The following CDH13 variants were observed in gnomAD, a reference collection of about 807,000 sequenced individuals.
The protein encoded by CDH13 is cadherin 13, also known as cadherin-13.
In CDH13, 24 loss-of-function variants were observed where a neutral mutation model predicts 63.8. The observed-to-expected ratio is 0.38, with a 90% CI of 0.27 to 0.53. CDH13 has a LOEUF of 0.53. Among genes scored for constraint, CDH13 ranks in the 20% least tolerant of loss-of-function variants. CDH13 has a pLI of 0.85. For synonymous variants in CDH13, 503 were observed against 355.3 expected, an observed-to-expected ratio of 1.42 and a Z score of -4.67; for missense variants, 1,049 against 903.1, an observed-to-expected ratio of 1.16 and a Z score of -2.07.
intron 3 of CDH13, among the ~76,000 whole-genome samples, chr16:83,098,082 G>A (rs183647725): frequency 2.7e-4 from 41 of 152,324 alleles, no homozygotes; most frequent in East Asian, 5.8e-4. Flanking sequence ...AGAGAGCACC[G>A]TCTGAAGGGT....
intron 6 of CDH13, among the ~76,000 whole-genome samples, chr16:83,425,900 A>G (rs1354501775): frequency 6.6e-6 from 1 of 152,136 alleles, no homozygotes; most frequent in Non-Finnish European, 1.5e-5. Context: ...GGCACTACAG[A>G]TACAGCATTG....
intron 8 of CDH13, among the ~76,000 whole-genome samples, chr16:83,635,431 C>T (rs1911173400): frequency 7.2e-6 from 1 of 138,020 alleles, no homozygotes; most frequent in South Asian, 2.3e-4. Flanking sequence ...ACAACCTCCG[C>T]TTCCTGGGGT....
At chr16:82,778,158 G>A (rs769554319) in intron 1 of CDH13, among the ~76,000 whole-genome samples, 59 of 152,140 alleles carry the variant, frequency 3.9e-4, no homozygotes, top group Non-Finnish European at 7.5e-4. Flanking sequence ...TTATTTTAAC[G>A]CAAAATGATG....
chr16:83,371,680 G>T (rs1767491664), intron 6 of CDH13, among the ~76,000 whole-genome samples: 1 of 152,134 alleles, frequency 6.6e-6, no homozygotes, highest in Admixed American at 6.5e-5. Context: ...GATTAATAGT[G>T]GTACTGTCAA....
At chr16:83,059,804 T>G (rs928916030) in intron 3 of CDH13, among the ~76,000 whole-genome samples, 146 of 148,312 alleles carry the variant, frequency 9.8e-4, no homozygotes, top group Non-Finnish European at 1.7e-3. Flanking sequence ...TTTTTTTTTT[T>G]TTTTTTTTTA....
At chr16:83,236,099 C>T (rs1018910107) in intron 5 of CDH13, among the ~76,000 whole-genome samples, 1 of 152,142 alleles carries the variant, frequency 6.6e-6, no homozygotes, top group African/African-American at 2.4e-5. Flanking sequence ...ACTTTAGTCT[C>T]CAAAGTATGT....
At chr16:83,355,265 A>T (rs2091030288) in intron 6 of CDH13, among the ~76,000 whole-genome samples, 1 of 152,228 alleles carries the variant, frequency 6.6e-6, no homozygotes, top group African/African-American at 2.4e-5. Flanking sequence ...GGAAAATTCT[A>T]AATATTGAGT....
At chr16:82,995,698 G>A (rs72792142) in intron 2 of CDH13, among the ~76,000 whole-genome samples, 1 of 152,000 alleles carries the variant, frequency 6.6e-6, no homozygotes, top group South Asian at 2.1e-4. Context: ...AAATAGATGT[G>A]ATACTTCTCC....
intron 2 of CDH13, among the ~76,000 whole-genome samples, chr16:83,014,063 C>G (rs553091858): frequency 1.3e-5 from 2 of 151,924 alleles, no homozygotes; most frequent in South Asian, 4.2e-4. Flanking sequence ...AGTTCACAGT[C>G]TGATAAGGAA....
chr16:83,731,914 A>T (rs949317575), intron 10 of CDH13, among the ~76,000 whole-genome samples: 1 of 152,248 alleles, frequency 6.6e-6, no homozygotes, highest in African/African-American at 2.4e-5. Flanking sequence ...GGTAGCAGGT[A>T]GTCGATAAAT....
In CDH13 at chr16:83,425,768, T is replaced by C. The variant is rs576128221; in HGVS notation, c.782-60709T>C. The stretch of plus-strand genomic sequence containing the variant: ...TTCCTTCTTTCTTTCTCTTTTTCTT[T>C]CTTCCTTTGTCTCTTTCTTCTTCCT... On this transcript the variant is annotated intron_variant, in intron 6 of 13. Coordinates refer to ENST00000567109, the MANE Select transcript of CDH13 (RefSeq NM_001257.5). 1.5e-4 allele frequency among the ~76,000 whole-genome samples: 23 copies of C among 152,298 alleles called. 1 individual carries two copies. Among genetic ancestry groups the C allele is most frequent in the Middle Eastern group, 3.4e-3 (1 of 294 alleles).
intron 7 of CDH13, among the ~76,000 whole-genome samples, chr16:83,538,000 C>G (rs2075401410): frequency 6.6e-6 from 1 of 152,110 alleles, no homozygotes; most frequent in African/African-American, 2.4e-5. Flanking sequence ...GTTGATGTTA[C>G]CGTGCTATAA....
intron 11 of CDH13, among the ~76,000 whole-genome samples, chr16:83,778,270 C>T (rs1262566048): frequency 6.6e-6 from 1 of 152,200 alleles, no homozygotes; most frequent in Non-Finnish European, 1.5e-5. Flanking sequence ...TGGCTCATGC[C>T]TGTAATCCCA....
Position 83,512,321 on chromosome 16 carries a change from AAAATAAATAAATAAATAAAT to A in CDH13, c.960+25698_960+25717del, listed in dbSNP as rs200161148. Among the ~76,000 whole-genome samples, 134 of 126,886 alleles carry A rather than the reference AAAATAAATAAATAAATAAAT, an allele frequency of 1.1e-3. 1 individual carries two copies. Among genetic ancestry groups the A allele is most frequent in the East Asian group, 2.3e-3 (10 of 4,282 alleles). 83.2% of individuals were successfully genotyped at this position (126,886 alleles called of 152,430 possible). On this transcript the variant is annotated intron_variant, in intron 7 of 13. Coordinates refer to ENST00000567109, the MANE Select transcript of CDH13 (RefSeq NM_001257.5). ...GGCGGACAGAGTGAAACTCCGTCTC[AAAATAAATAAATAAATAAAT>A]AAATAAATAAATAAATAAATAAATA...
At chr16:82,984,912 T>G (rs1280061899) in intron 2 of CDH13, among the ~76,000 whole-genome samples, 1 of 152,178 alleles carries the variant, frequency 6.6e-6, no homozygotes, top group Non-Finnish European at 1.5e-5. Flanking sequence ...TTACAGTGAA[T>G]TGTCACAACT....
intron 3 of CDH13, among the ~76,000 whole-genome samples, chr16:83,056,277 A>T (rs886419717): frequency 3.9e-5 from 6 of 152,198 alleles, no homozygotes; most frequent in Non-Finnish European, 2.9e-5. Context: ...AACATTCTTG[A>T]CCTAGAAATC....
At chr16:83,153,736 T>C (rs914377611) in intron 4 of CDH13, among the ~76,000 whole-genome samples, 9 of 152,186 alleles carry the variant, frequency 5.9e-5, no homozygotes, top group Non-Finnish European at 1.3e-4. Context: ...GAACCAACCC[T>C]GGCATTACCT....
chr16:82,767,973 T>C (rs2035124681), intron 1 of CDH13, among the ~76,000 whole-genome samples: 1 of 150,716 alleles, frequency 6.6e-6, no homozygotes, highest in Non-Finnish European at 1.5e-5. Context: ...AAACGAAGAG[T>C]GAGGAGTGAT....
intron 1 of CDH13, among the ~76,000 whole-genome samples, chr16:82,834,620 GCT>G (rs1699467817): frequency 6.6e-6 from 1 of 152,198 alleles, no homozygotes; most frequent in Admixed American, 6.5e-5. Flanking sequence ...CAGCTGACCA[GCT>G]TTGGGTCTGA....
Sources: gnomAD v4.1 joint callset for allele counts (sites outside exome capture counted in the v4.1 genomes callset) on GRCh38, gnomAD v4.1.1 for gene constraint, MANE v1.5 for transcripts, NCBI Gene and HGNC (gene_info 2026-07-23, HGNC 2026-07-21) for gene names.